The following KAZN variants were observed in gnomAD, a reference collection of about 807,000 sequenced individuals.
KAZN encodes the protein kazrin.
A neutral mutation model predicts 87.4 loss-of-function variants in KAZN; 40 were observed. That is an observed-to-expected ratio of 0.46 (90% CI 0.36 to 0.60). The LOEUF is 0.60. KAZN is among the 20% of genes least tolerant of loss of function. The pLI is 0.00. For synonymous variants in KAZN, 466 were observed against 458.3 expected (o/e 1.02, Z -0.22); for missense variants, 898 against 1,073.9 (o/e 0.84, Z 2.29).
intron 2 of KAZN, among the ~76,000 whole-genome samples, chr1:14,234,237 A>C (rs574904335): frequency 6.6e-6 from 1 of 152,228 alleles, no homozygotes. Context: ...AAAAAGGATG[A>C]GTTCATGTTC....
At chr1:13,962,230 A>G (rs1447955763) in intron 1 of KAZN, among the ~76,000 whole-genome samples, 1 of 152,080 alleles carries the variant, frequency 6.6e-6, no homozygotes, top group East Asian at 1.9e-4. Context: ...GAGGAGGCAG[A>G]TGTGGCTACA....
exon 1 of KAZN, chr1:13,893,389 A>C (rs1570195749): frequency 3.0e-6 from 1 of 336,590 alleles, no homozygotes; most frequent in African/African-American, 2.1e-5. Context: ...GGTTAGGGGG[A>C]AACTTAGATT....
In KAZN at chr1:15,096,624, G is replaced by C. The variant is rs183385837; in HGVS notation, c.1547+1691G>C. ...TTACGTCTCACAGTTCTGGAGGCTG[G>C]AAGTCCAAGATCGGGATGCCAGCAT... On this transcript the variant is annotated intron_variant, in intron 10 of 14. Coordinates refer to ENST00000376030, the MANE Select transcript of KAZN (RefSeq NM_201628.3). This position sits in a 1 kb window ranked among gnomAD's most constrained non-coding sequence, Gnocchi z 4.5. Among the ~76,000 whole-genome samples, 1 of 152,354 alleles carries C rather than the reference G, an allele frequency of 6.6e-6. No homozygotes were observed. The highest frequency in any genetic ancestry group is 6.5e-5 in the Admixed American group (1 of 15,308).
chr1:14,309,101 T>C lies in KAZN; in HGVS notation c.249+128509T>C, dbSNP rs551141589. On this transcript the variant is annotated intron_variant, in intron 2 of 16. Transcript: ENST00000636203. ...TGTAGGTTTGCCTGATTTGGGCATT[T>C]ATTTTTCCAAATGGCAGCTGCCTGA... 2.0e-5 allele frequency among the ~76,000 whole-genome samples: 3 copies of C among 152,348 alleles called. No individual in the cohort carries two copies. In the South Asian group the frequency reaches 6.2e-4, roughly 32 times the overall value.
At chr1:14,499,307 A>G (rs1670113797) in intron 2 of KAZN, among the ~76,000 whole-genome samples, 1 of 152,192 alleles carries the variant, frequency 6.6e-6, no homozygotes, top group Admixed American at 6.5e-5. Flanking sequence ...CATCACTGCT[A>G]AGTGCACTTC....
chr1:15,104,644 C>T (rs1161052821), intron 13 of KAZN, among the ~76,000 whole-genome samples: 1 of 152,154 alleles, frequency 6.6e-6, no homozygotes, highest in Non-Finnish European at 1.5e-5. Context: ...AAGCAGACCA[C>T]ATCAGCCCAC....
chr1:13,951,008 C>T (rs959660052), intron 1 of KAZN, among the ~76,000 whole-genome samples: 1 of 152,210 alleles, frequency 6.6e-6, no homozygotes, highest in African/African-American at 2.4e-5. Context: ...GGAAATGACC[C>T]TGCCTGGAGT....
chr1:14,280,371 A>G (rs1652752840), intron 2 of KAZN, among the ~76,000 whole-genome samples: 1 of 14,228 alleles, frequency 7.0e-5, no homozygotes, highest in Non-Finnish European at 1.5e-4. Flanking sequence ...ACTCCATCTC[A>G]AAAAAAAAAA....
intron 1 of KAZN, among the ~76,000 whole-genome samples, chr1:14,633,923 A>G (rs916186041): frequency 1.3e-5 from 2 of 152,038 alleles, no homozygotes; most frequent in Non-Finnish European, 2.9e-5. Context: ...CAATTTGGAG[A>G]GAGATGAAAA....
chr1:14,089,516 C>T (rs1643926592), intron 1 of KAZN, among the ~76,000 whole-genome samples: 2 of 151,992 alleles, frequency 1.3e-5, no homozygotes, highest in Non-Finnish European at 2.9e-5. Flanking sequence ...CACAGTGTCC[C>T]CTCAAATAAT....
At chr1:14,824,197 T>A (rs1170269973) in intron 1 of KAZN, among the ~76,000 whole-genome samples, 1 of 149,966 alleles carries the variant, frequency 6.7e-6, no homozygotes, top group Non-Finnish European at 1.5e-5. Context: ...GGGTGCAGCG[T>A]GATGGGAGGC....
At chr1:15,053,031 C>T (rs1674577812) in intron 4 of KAZN, among the ~76,000 whole-genome samples, 1 of 152,190 alleles carries the variant, frequency 6.6e-6, no homozygotes, top group Non-Finnish European at 1.5e-5. Context: ...CCTGTGCTTC[C>T]TAGGCATGTG....
At chr1:15,008,551 C>T (rs1416290094) in intron 2 of KAZN, among the ~76,000 whole-genome samples, 5 of 152,198 alleles carry the variant, frequency 3.3e-5, no homozygotes, top group Admixed American at 6.5e-5. Context: ...CAGAGCTCTT[C>T]GCAGAGGTCA....
At chr1:14,756,648 C>T (rs930819170) in intron 1 of KAZN, among the ~76,000 whole-genome samples, 1 of 152,178 alleles carries the variant, frequency 6.6e-6, no homozygotes, top group Non-Finnish European at 1.5e-5. Flanking sequence ...AAGGCAGCCT[C>T]GGACACCACT....
intron 2 of KAZN, among the ~76,000 whole-genome samples, chr1:14,438,035 TTC>T (rs1666498894): frequency 6.6e-6 from 1 of 151,914 alleles, no homozygotes; most frequent in African/African-American, 2.4e-5. Context: ...GGTTTCCCTT[TTC>T]TCTCCTTCTG....
intron 2 of KAZN, among the ~76,000 whole-genome samples, chr1:14,382,079 T>A (rs996982502): frequency 1.3e-5 from 2 of 152,016 alleles, no homozygotes; most frequent in Admixed American, 1.3e-4. Context: ...CCACTGACAA[T>A]AGCTACAAAT....
intron 1 of KAZN, among the ~76,000 whole-genome samples, chr1:14,737,338 C>T (rs1282838520): frequency 6.6e-6 from 1 of 151,960 alleles, no homozygotes; most frequent in East Asian, 1.9e-4. Flanking sequence ...AGATGGTTTT[C>T]GAATGGGTGG....
At chr1:13,978,193 A>G (rs553975748) in intron 1 of KAZN, among the ~76,000 whole-genome samples, 3 of 151,680 alleles carry the variant, frequency 2.0e-5, no homozygotes, top group Admixed American at 6.6e-5. Flanking sequence ...GCGGCGCAAG[A>G]CTCAGAAAAC....
chr1:14,907,064 A>G (rs1198356109), intron 1 of KAZN, among the ~76,000 whole-genome samples: 9 of 151,816 alleles, frequency 5.9e-5, no homozygotes. Context: ...CTCGGAGTTT[A>G]TTAGAAGTGC....
Sources: allele counts gnomAD v4.1 joint callset (sites outside exome capture counted in the v4.1 genomes callset), GRCh38; gene constraint gnomAD v4.1.1; non-coding constraint Gnocchi (gnomAD v3.1); transcripts MANE v1.5; gene names NCBI Gene and HGNC (gene_info 2026-07-23, HGNC 2026-07-21).